Variants in EYA2 observed in about 807,000 individuals in gnomAD.
The protein encoded by EYA2 is EYA transcriptional coactivator and phosphatase 2.
Under a neutral mutation model 69.2 loss-of-function variants are expected in EYA2, and 31 were observed. That is an observed-to-expected ratio of 0.45 (90% CI 0.34 to 0.60). EYA2 has a LOEUF of 0.60. EYA2 is among the 20% of genes least tolerant of loss of function. The pLI, the probability that EYA2 is intolerant of heterozygous loss-of-function variation, is 0.02. For missense variants in EYA2, 622 were observed against 701.2 expected (o/e 0.89, Z 1.28); for synonymous variants, 257 against 279.4 (o/e 0.92, Z 0.80).
At chr20:46,939,808 C>A (rs1239634550) in intron 1 of EYA2, among the ~76,000 whole-genome samples, 1 of 152,174 alleles carries the variant, frequency 6.6e-6, no homozygotes, top group African/African-American at 2.4e-5. Flanking sequence ...CATGGAAGTT[C>A]ATGAAGTTCC....
At chr20:47,050,145 G>T (rs1474545566) in intron 5 of EYA2, among the ~76,000 whole-genome samples, 2 of 152,176 alleles carry the variant, frequency 1.3e-5, no homozygotes, top group Non-Finnish European at 2.9e-5. Flanking sequence ...GTATCTGTCT[G>T]TCCCAATGGG....
chr20:46,941,244 C>T (rs1415547657), intron 1 of EYA2, among the ~76,000 whole-genome samples: 1 of 152,244 alleles, frequency 6.6e-6, no homozygotes, highest in Non-Finnish European at 1.5e-5. Flanking sequence ...TCACATCTCT[C>T]CTCTGTAAAA....
chr20:47,159,092 T>C (rs140061362), intron 10 of EYA2, among the ~76,000 whole-genome samples: 5 of 152,116 alleles, frequency 3.3e-5, no homozygotes, highest in East Asian at 2.0e-4. Context: ...AGGTAACTTA[T>C]GTAGATACTA....
intron 1 of EYA2, among the ~76,000 whole-genome samples, chr20:46,935,944 C>A (rs1388987951): frequency 6.6e-6 from 1 of 152,068 alleles, no homozygotes; most frequent in Non-Finnish European, 1.5e-5. Flanking sequence ...ACTCCAAAAT[C>A]TGAAACTTTT....
intron 10 of EYA2, among the ~76,000 whole-genome samples, chr20:47,147,692 A>T (rs1271150171): frequency 6.6e-6 from 1 of 152,198 alleles, no homozygotes; most frequent in Non-Finnish European, 1.5e-5. Flanking sequence ...GAGGACAAGG[A>T]TTGAAGCAGG....
chr20:46,902,601 C>T (rs550523357), intron 1 of EYA2, among the ~76,000 whole-genome samples: 2 of 152,304 alleles, frequency 1.3e-5, no homozygotes, highest in East Asian at 3.9e-4. Flanking sequence ...TCTGTCTGCC[C>T]TGGAGAGCTA....
chr20:47,126,584 T>C (rs1342190964), intron 9 of EYA2, among the ~76,000 whole-genome samples: 1 of 152,206 alleles, frequency 6.6e-6, no homozygotes, highest in African/African-American at 2.4e-5. Context: ...GGTTTGTTTT[T>C]TTTCATTTAG....
chr20:47,062,199 G>A (rs2146455262), intron 5 of EYA2, among the ~76,000 whole-genome samples: 1 of 152,316 alleles, frequency 6.6e-6, no homozygotes, highest in East Asian at 1.9e-4. Context: ...ACCACCCCAG[G>A]AGCACTTCCT....
chr20:46,930,717 C>T (rs1233415244), intron 1 of EYA2, among the ~76,000 whole-genome samples: 1 of 152,168 alleles, frequency 6.6e-6, no homozygotes, highest in Non-Finnish European at 1.5e-5. Context: ...TAAACAGTTG[C>T]ATGAGACACT....
chr20:46,896,948 A>G (rs1983841632), intron 1 of EYA2, among the ~76,000 whole-genome samples: 1 of 152,214 alleles, frequency 6.6e-6, no homozygotes, highest in South Asian at 2.1e-4. Flanking sequence ...CACTTCCCCA[A>G]TATCAGAAAA....
At chr20:47,079,807 G>A (rs538614493) in intron 7 of EYA2, among the ~76,000 whole-genome samples, 34 of 151,842 alleles carry the variant, frequency 2.2e-4, no homozygotes, top group Non-Finnish European at 4.6e-4. Context: ...AAAAAAAAAA[G>A]CAGGAGGCAG....
At chr20:46,954,911 T>C (rs1051000102) in intron 1 of EYA2, among the ~76,000 whole-genome samples, 3 of 152,210 alleles carry the variant, frequency 2.0e-5, no homozygotes, top group East Asian at 3.8e-4. Context: ...TTTTCATGTG[T>C]GTCATTTGCC....
chr20:46,945,103 GAGACCTTGTCTGGAAAAAAAAAAA>G (rs1255037131), intron 1 of EYA2, among the ~76,000 whole-genome samples: 1 of 146,504 alleles, frequency 6.8e-6, no homozygotes, highest in Non-Finnish European at 1.5e-5. Context: ...GTGACAGAGT[GAGACCTTGTCTGGAAAAAAAAAAA>G]AGGTTGCAGT....
Position 47,077,806 on chromosome 20 carries a change from T to G in EYA2, c.661+3471T>G, listed in dbSNP as rs139098546. Among the ~76,000 whole-genome samples the G allele has an allele frequency of 4.7e-3, 714 of 152,362 alleles. 7 individuals carry two copies. The highest frequency in any genetic ancestry group is 0.016 in the African/African-American group (664 of 41,568). ...ATTTAATAACTTTCTTTGAAGAGTT[T>G]GAAGTTTAACAAAGTTTTTCTCTGT... On this transcript the variant is annotated intron_variant, in intron 7 of 15. Coordinates refer to ENST00000327619, the MANE Select transcript of EYA2 (RefSeq NM_005244.5).
At chr20:47,178,090 G>A (rs980313052) in intron 12 of EYA2, among the ~76,000 whole-genome samples, 1 of 152,168 alleles carries the variant, frequency 6.6e-6, no homozygotes, top group African/African-American at 2.4e-5. Context: ...CAGCACTTTG[G>A]GAGGCCAAGG....
intron 9 of EYA2, among the ~76,000 whole-genome samples, chr20:47,130,984 G>A (rs1012641697): frequency 6.6e-6 from 1 of 152,068 alleles, no homozygotes; most frequent in Non-Finnish European, 1.5e-5. Flanking sequence ...AGCTACTCAG[G>A]GGGCTGAGGC....
chr20:47,125,126 T>C (rs1199271993), intron 9 of EYA2, among the ~76,000 whole-genome samples: 2 of 146,358 alleles, frequency 1.4e-5, no homozygotes, highest in Non-Finnish European at 3.0e-5. Flanking sequence ...CTATCTCGGC[T>C]CACTGCAAGC....
chr20:46,972,368 A>G (rs1980195157), intron 1 of EYA2, among the ~76,000 whole-genome samples: 1 of 152,236 alleles, frequency 6.6e-6, no homozygotes, highest in African/African-American at 2.4e-5. Flanking sequence ...TAGTTTTCCT[A>G]ATTATTTGCA....
intron 5 of EYA2, among the ~76,000 whole-genome samples, chr20:47,044,429 A>G (rs1361499263): frequency 6.6e-6 from 1 of 152,194 alleles, no homozygotes; most frequent in Non-Finnish European, 1.5e-5. Flanking sequence ...AGAAAGACAG[A>G]CAAAAATCAA....
Sources: allele counts gnomAD v4.1 joint callset (sites outside exome capture counted in the v4.1 genomes callset), GRCh38; gene constraint gnomAD v4.1.1; transcripts MANE v1.5; gene names NCBI Gene and HGNC (gene_info 2026-07-23, HGNC 2026-07-21).